Variants in RRP15 observed in about 807,000 individuals in gnomAD.
RRP15 encodes the protein ribosomal RNA processing 15 homolog, also known as RRP15-like protein.
In RRP15, 18 loss-of-function variants were observed where a neutral mutation model predicts 27.1. The observed-to-expected ratio is 0.66, with a 90% CI of 0.46 to 0.98. The LOEUF (loss-of-function observed/expected upper bound fraction) is 0.98. RRP15 is among the 50% of genes least tolerant of loss of function. The pLI, the probability that RRP15 is intolerant of heterozygous loss-of-function variation, is 0.00. For synonymous variants in RRP15, 107 were observed against 109.4 expected, an observed-to-expected ratio of 0.98 and a Z score of 0.14; for missense variants, 359 against 337.8, an observed-to-expected ratio of 1.06 and a Z score of -0.49.
intron 1 of RRP15, among the ~76,000 whole-genome samples, chr1:218,295,427 A>G (rs1168004746): frequency 6.6e-6 from 1 of 152,222 alleles, no homozygotes; most frequent in Admixed American, 6.5e-5. Context: ...CCATATGACT[A>G]TAAAACAATA....
chr1:218,329,641 A>T (rs1316606822), intron 4 of RRP15, among the ~76,000 whole-genome samples: 2 of 152,126 alleles, frequency 1.3e-5, no homozygotes, highest in Non-Finnish European at 2.9e-5. Flanking sequence ...ATGTTGGGTA[A>T]ATTATAGTAA....
intron 4 of RRP15, 88 bp downstream of exon 4, chr1:218,307,720 A>C: frequency 1.1e-6 from 1 of 908,762 alleles, no homozygotes; most frequent in Non-Finnish European, 1.7e-6. Context: ...AGAATTACAG[A>C]GTTTTGTGTT....
intron 2 of RRP15, among the ~76,000 whole-genome samples, chr1:218,304,174 T>C (rs1032822482): frequency 3.3e-5 from 5 of 152,168 alleles, no homozygotes; most frequent in Non-Finnish European, 5.9e-5. Flanking sequence ...AAATGAGAAA[T>C]AGAAGAGTAA....
At chr1:218,308,263 G>T (rs979115554) in intron 4 of RRP15, among the ~76,000 whole-genome samples, 1 of 151,126 alleles carries the variant, frequency 6.6e-6, no homozygotes, top group African/African-American at 2.4e-5. Context: ...GTAGAGACGG[G>T]GTTTCACCAT....
intron 1 of RRP15, among the ~76,000 whole-genome samples, chr1:218,285,721 C>G (rs1337422277): frequency 1.3e-5 from 2 of 151,750 alleles, no homozygotes; most frequent in Admixed American, 1.3e-4. Context: ...GGGTGAAACA[C>G]CTGCAGCTAC....
intron 4 of RRP15, among the ~76,000 whole-genome samples, chr1:218,312,341 T>C (rs1177802042): frequency 2.0e-5 from 3 of 151,978 alleles, no homozygotes; most frequent in Non-Finnish European, 2.9e-5. Context: ...TTGATTCTTT[T>C]CTTTTTGGAA....
chr1:218,320,330 G>A (rs991243513), intron 4 of RRP15, among the ~76,000 whole-genome samples: 6 of 151,434 alleles, frequency 4.0e-5, no homozygotes, highest in African/African-American at 1.5e-4. Context: ...TTGTTCTTGC[G>A]ATAGTTTACT....
At chr1:218,323,989 G>A (rs1407801457) in intron 4 of RRP15, among the ~76,000 whole-genome samples, 1 of 152,164 alleles carries the variant, frequency 6.6e-6, no homozygotes, top group Non-Finnish European at 1.5e-5. Flanking sequence ...GTCTGCAGCC[G>A]GGACTTGGGT....
At chr1:218,309,894 C>A (rs116243531) in intron 4 of RRP15, among the ~76,000 whole-genome samples, 5 of 152,162 alleles carry the variant, frequency 3.3e-5, no homozygotes, top group African/African-American at 1.2e-4. Flanking sequence ...ACAAGATGTA[C>A]ATTAAGTGGC....
chr1:218,301,761 C>T (rs1655814591), intron 1 of RRP15: 1 of 152,084 alleles, frequency 6.6e-6, no homozygotes, highest in Non-Finnish European at 1.5e-5. Context: ...AATTCTTTTA[C>T]ATGAGGCTGA....
chr1:218,309,547 G>T (rs541728812), intron 4 of RRP15, among the ~76,000 whole-genome samples: 1 of 151,896 alleles, frequency 6.6e-6, no homozygotes, highest in Non-Finnish European at 1.5e-5. Context: ...ACTGGGCATG[G>T]TGGCACCCAC....
chr1:218,334,810 T>G lies in RRP15; in HGVS notation c.*3719T>G, dbSNP rs1656424540. The G allele has an allele frequency of 1.3e-5, 2 of 152,218 alleles. No homozygotes were observed. Among genetic ancestry groups the G allele is most frequent in the Admixed American group, 1.3e-4 (2 of 15,272 alleles). 9.4% of individuals were successfully genotyped at this position (152,218 alleles called of 1,614,324 possible). On this transcript the variant is annotated 3_prime_UTR_variant, in exon 5 of 5. Transcript: ENST00000366932. ...AAATTTTGGAAACAGGAGAGAGAAC[T>G]ACTTCGTGCCTATAAAAAGCTCTCT...
Position 218,332,876 on chromosome 1 carries a change from A to G in RRP15, c.*1785A>G, listed in dbSNP as rs1656396090. ...AACAAACACACAATTTTGAAAAAAA[A>G]AAAAAAAAAGTGCAGCAACTTAAAC... On this transcript the variant is annotated 3_prime_UTR_variant, in exon 5 of 5. Coordinates refer to ENST00000366932, the MANE Select transcript of RRP15 (RefSeq NM_016052.4). 1 of 151,992 alleles carries G rather than the reference A, an allele frequency of 6.6e-6. No individual in the cohort carries two copies. Among genetic ancestry groups the G allele is most frequent in the South Asian group, 2.1e-4 (1 of 4,828 alleles). 9.4% of individuals were successfully genotyped at this position (151,992 alleles called of 1,614,324 possible).
At chr1:218,287,939 T>C (rs1439282395) in intron 1 of RRP15, among the ~76,000 whole-genome samples, 1 of 152,206 alleles carries the variant, frequency 6.6e-6, no homozygotes, top group East Asian at 1.9e-4. Flanking sequence ...AGGGCAGTTT[T>C]CTCAGACATA....
At chr1:218,325,262 G>T (rs1304868118) in intron 4 of RRP15, among the ~76,000 whole-genome samples, 9 of 152,132 alleles carry the variant, frequency 5.9e-5, no homozygotes, top group Admixed American at 5.9e-4. Flanking sequence ...TGTTATTTTG[G>T]AATCTCCATT....
At chr1:218,300,748 A>G (rs748223927) in intron 1 of RRP15, among the ~76,000 whole-genome samples, 14 of 152,246 alleles carry the variant, frequency 9.2e-5, no homozygotes, top group Non-Finnish European at 1.9e-4. Flanking sequence ...ACAAGACTCA[A>G]TCAATAGACT....
chr1:218,317,927 G>A (rs1007103255), intron 4 of RRP15, among the ~76,000 whole-genome samples: 2 of 151,590 alleles, frequency 1.3e-5, no homozygotes, highest in African/African-American at 4.9e-5. Flanking sequence ...AGAGATGGGG[G>A]TCTCATCATG....
intron 4 of RRP15, among the ~76,000 whole-genome samples, chr1:218,323,930 A>G (rs1656229884): frequency 6.6e-6 from 1 of 152,178 alleles, no homozygotes; most frequent in Admixed American, 6.5e-5. Flanking sequence ...CTGCAGGGGC[A>G]GGGGGCGCCT....
At chr1:218,306,541 C>T (rs1655901620) in intron 3 of RRP15, among the ~76,000 whole-genome samples, 1 of 152,176 alleles carries the variant, frequency 6.6e-6, no homozygotes, top group South Asian at 2.1e-4. Flanking sequence ...TGCAGGGATG[C>T]TCAAGGCCCA....
Sources: gnomAD v4.1 joint callset for allele counts (sites outside exome capture counted in the v4.1 genomes callset) on GRCh38, gnomAD v4.1.1 for gene constraint, MANE v1.5 for transcripts, NCBI Gene and HGNC (gene_info 2026-07-23, HGNC 2026-07-21) for gene names.